The following CEP83 variants were observed in gnomAD, a reference collection of about 807,000 sequenced individuals.
The protein encoded by CEP83 is centrosomal protein of 83 kDa.
A neutral mutation model predicts 101.9 loss-of-function variants in CEP83; 70 were observed. The observed-to-expected ratio is 0.69, with a 90% CI of 0.57 to 0.84. The LOEUF is 0.84. Among genes scored for constraint, CEP83 ranks in the 40% least tolerant of loss-of-function variants. CEP83 has a pLI of 0.00. For synonymous variants in CEP83, 264 were observed against 267.9 expected, an observed-to-expected ratio of 0.99 and a Z score of 0.14; for missense variants, 715 against 787.2, an observed-to-expected ratio of 0.91 and a Z score of 1.10.
upstream of CEP83, chr12:94,460,116 C>T (rs2068044506): frequency 2.0e-5 from 3 of 152,542 alleles, no homozygotes; most frequent in Non-Finnish European, 4.4e-5. Flanking sequence ...GCTGCGCTCC[C>T]GAAGGCGTTC....
chr12:94,403,705 T>C (rs1427888297), intron 4 of CEP83, among the ~76,000 whole-genome samples: 2 of 152,160 alleles, frequency 1.3e-5, no homozygotes, highest in African/African-American at 2.4e-5. Flanking sequence ...GGCTTCTCCT[T>C]GTCACACTCT....
At chr12:94,369,890 C>T (rs1431744164) in intron 9 of CEP83, 32 bp downstream of exon 9, 3 of 1,063,734 alleles carry the variant, frequency 2.8e-6, no homozygotes, top group East Asian at 2.4e-5. Context: ...AAATAAGCAG[C>T]AGCAGCAGCA....
intron 6 of CEP83, among the ~76,000 whole-genome samples, chr12:94,397,084 T>G (rs2062947892): frequency 6.6e-6 from 1 of 152,194 alleles, no homozygotes; most frequent in South Asian, 2.1e-4. Flanking sequence ...TCCTACATAA[T>G]CAATTGGGAA....
downstream of CEP83, chr12:94,305,373 T>C (rs1968898909): frequency 1.3e-6 from 1 of 746,160 alleles, no homozygotes; most frequent in Non-Finnish European, 2.3e-6. Context: ...GTCGTTAATT[T>C]GTTGTTTGCA....
downstream of CEP83, chr12:94,307,098 T>TAA (rs1555213793): frequency 1.3e-5 from 2 of 152,232 alleles, no homozygotes; most frequent in East Asian, 1.9e-4. Context: ...CAGCTTTATC[T>TAA]AAGTATTTAC....
intron 9 of CEP83, chr12:94,368,829 G>A (rs1167970827): frequency 6.6e-6 from 1 of 152,194 alleles, no homozygotes; most frequent in Non-Finnish European, 1.5e-5. Context: ...GGAAATCCAT[G>A]AGTCAATAAA....
intron 2 of CEP83, among the ~76,000 whole-genome samples, chr12:94,431,324 C>G (rs151294931): frequency 6.6e-6 from 1 of 152,010 alleles, no homozygotes; most frequent in East Asian, 1.9e-4. Flanking sequence ...ACGTAAGACC[C>G]AAGACTATAA....
At chr12:94,292,309 G>C in the CEP83 span, among the ~76,000 whole-genome samples, 120 of 152,206 alleles carry the variant, frequency 7.9e-4, 1 homozygote, top group East Asian at 0.022. Flanking sequence ...TCATTGTCTC[G>C]GAAGGGACAA....
chr12:94,268,067 C>A, the CEP83 span, among the ~76,000 whole-genome samples: 3 of 152,158 alleles, frequency 2.0e-5, no homozygotes, highest in African/African-American at 7.2e-5. Flanking sequence ...CCTCACGAAC[C>A]ACTTGAAATG....
chr12:94,380,657 T>C (rs984865437), intron 6 of CEP83, among the ~76,000 whole-genome samples: 1 of 152,172 alleles, frequency 6.6e-6, no homozygotes, highest in Non-Finnish European at 1.5e-5. Flanking sequence ...TGATGGCTCA[T>C]CTAAGGTCAG....
chr12:94,325,250 C>T (rs559734753), intron 14 of CEP83, among the ~76,000 whole-genome samples: 2 of 151,930 alleles, frequency 1.3e-5, no homozygotes, highest in African/African-American at 4.8e-5. Flanking sequence ...CCGCTCACTG[C>T]AACCTCTGCC....
the CEP83 span, among the ~76,000 whole-genome samples, chr12:94,292,051 G>A: frequency 6.6e-6 from 1 of 152,104 alleles, no homozygotes; most frequent in Middle Eastern, 3.2e-3. Flanking sequence ...GCATGTATCG[G>A]TAATTCTTTC....
At chr12:94,394,418 C>T (rs914438012) in intron 6 of CEP83, among the ~76,000 whole-genome samples, 1 of 152,046 alleles carries the variant, frequency 6.6e-6, no homozygotes, top group East Asian at 1.9e-4. Context: ...AACTGGCTAG[C>T]CATATGTAGA....
chr12:94,421,181 T>G (rs1488249388), intron 2 of CEP83, among the ~76,000 whole-genome samples: 1 of 152,072 alleles, frequency 6.6e-6, no homozygotes, highest in Non-Finnish European at 1.5e-5. Flanking sequence ...TACAGGCACA[T>G]GTCATTAGGC....
At chr12:94,443,183 A>G (rs1035946496) in intron 1 of CEP83, among the ~76,000 whole-genome samples, 2 of 151,974 alleles carry the variant, frequency 1.3e-5, no homozygotes, top group African/African-American at 4.8e-5. Flanking sequence ...CCCCTTTGCT[A>G]GAGTCAATTA....
At chr12:94,384,538 CT>C (rs968415453) in intron 6 of CEP83, among the ~76,000 whole-genome samples, 1 of 152,090 alleles carries the variant, frequency 6.6e-6, no homozygotes, top group African/African-American at 2.4e-5. Context: ...AATCTTAGAT[CT>C]TTTGTTATAG....
At position 94,312,951 on chromosome 12, in the gene CEP83, T is replaced by C. The variant is rs758877639; in HGVS notation, c.1774A>G (p.Lys592Glu). The change falls in exon 15 of 17, where the codon AAA (lysine) becomes GAA (glutamate). Residue 592 changes from lysine (K) to glutamate (E), a missense_variant. Physicochemically the swap from Lys to Glu is moderately conservative, Grantham distance 56. Transcript: ENST00000397809. ...QEKVEVLEAK[K>E]EELETENQVL... ...TGATTTTCTGTTTCCAATTCTTCTT[T>C]CTTTGCCTCCAAGACTTCTACTTTC... 6.3e-7 allele frequency: 1 copy of C among 1,592,846 alleles called. No homozygotes were observed. The highest frequency in any genetic ancestry group is 1.1e-5 in the South Asian group (1 of 89,088).
In CEP83 at chr12:94,366,410, A is replaced by C. The variant is rs925624119; in HGVS notation, c.1343+1384T>G. On this transcript the variant is annotated intron_variant, in intron 11 of 16. Transcript: ENST00000397809. ...ATACACAAATATTACATGTAAGTTAATAGGTTTGTTTTTCATTGAGTGATG... is the reference window on the plus strand; with the variant it reads ...ATACACAAATATTACATGTAAGTTACTAGGTTTGTTTTTCATTGAGTGATG... 2.6e-5 allele frequency among the ~76,000 whole-genome samples: 4 copies of C among 152,328 alleles called. No individual in the cohort carries two copies. The East Asian group carries it at 7.7e-4, about 29-fold the overall frequency.
chr12:94,292,975 C>T, the CEP83 span, among the ~76,000 whole-genome samples: 1 of 151,918 alleles, frequency 6.6e-6, no homozygotes, highest in African/African-American at 2.4e-5. Flanking sequence ...AAATAGAAGC[C>T]CTCTCCTGGC....
Sources: gnomAD v4.1 joint callset for allele counts (sites outside exome capture counted in the v4.1 genomes callset) on GRCh38, gnomAD v4.1.1 for gene constraint, MANE v1.5 for transcripts, NCBI Gene and HGNC (gene_info 2026-07-23, HGNC 2026-07-21) for gene names.